COLEC12: variants seen among roughly 807,000 people sequenced by gnomAD.
COLEC12 encodes collectin subfamily member 12, also known as collectin-12.
COLEC12 carries 33 observed loss-of-function variants against 71.1 expected under a neutral mutation model. The observed-to-expected ratio is 0.46, with a 90% CI of 0.35 to 0.62. The LOEUF (loss-of-function observed/expected upper bound fraction) is 0.62, where lower values mean the gene tolerates loss of function less well. Among genes scored for constraint, COLEC12 ranks in the 20% least tolerant of loss-of-function variants. The pLI is 0.00. For missense variants in COLEC12, 765 were observed against 916.1 expected (o/e 0.84, Z 2.13); for synonymous variants, 350 against 353.0 (o/e 0.99, Z 0.10).
At chr18:383,579 C>T (rs1350551713) in intron 2 of COLEC12, among the ~76,000 whole-genome samples, 1 of 152,124 alleles carries the variant, frequency 6.6e-6, no homozygotes, top group Non-Finnish European at 1.5e-5. Context: ...AAACTAAAAA[C>T]CAAGAAACAA....
At chr18:356,169 C>T (rs1047207978) in intron 3 of COLEC12, among the ~76,000 whole-genome samples, 2 of 152,196 alleles carry the variant, frequency 1.3e-5, no homozygotes, top group African/African-American at 4.8e-5. Context: ...CAGAGAGATA[C>T]AGATATGATT....
chr18:382,760 TC>T, intron 2 of COLEC12, among the ~76,000 whole-genome samples: 1 of 148,390 alleles, frequency 6.7e-6, no homozygotes, highest in Non-Finnish European at 1.5e-5. Flanking sequence ...AGTGCCTGCT[TC>T]TTTTCTCCTT....
Position 327,488 on chromosome 18 carries a change from A to G in COLEC12, c.2063+4180T>C, listed in dbSNP as rs1045138356. ...GTCCTGCTGCGGTGCAGAAAGAGCC[A>G]TAAGATTCAGCAAGTCAGGTTGAGT... On this transcript the variant is annotated intron_variant, in intron 8 of 9. Transcript: ENST00000400256. The surrounding 1 kb of genome is among the most constrained non-coding windows in gnomAD (Gnocchi z 4.0). 1.3e-5 allele frequency among the ~76,000 whole-genome samples: 2 copies of G among 152,204 alleles called. No individual in the cohort carries two copies. The highest frequency in any genetic ancestry group is 2.4e-5 in the African/African-American group (1 of 41,442).
At chr18:469,433 T>C (rs930868782) in intron 2 of COLEC12, among the ~76,000 whole-genome samples, 11 of 152,338 alleles carry the variant, frequency 7.2e-5, no homozygotes, top group African/African-American at 2.4e-4. Context: ...AGGCCACGTC[T>C]CTCCTCTTTA....
intron 2 of COLEC12, among the ~76,000 whole-genome samples, chr18:465,365 G>C (rs1917065389): frequency 6.6e-6 from 1 of 152,136 alleles, no homozygotes; most frequent in Non-Finnish European, 1.5e-5. Flanking sequence ...GACTCCCAAA[G>C]TGTTGGGATT....
intron 5 of COLEC12, among the ~76,000 whole-genome samples, chr18:335,941 C>G (rs1914110166): frequency 1.3e-5 from 2 of 152,222 alleles, no homozygotes. Flanking sequence ...TTCTCTTAGT[C>G]ACCTGGGCCT....
At chr18:478,693 G>A (rs1231544730) in intron 2 of COLEC12, among the ~76,000 whole-genome samples, 2 of 152,170 alleles carry the variant, frequency 1.3e-5, no homozygotes, top group East Asian at 1.9e-4. Flanking sequence ...GTCCTATGCT[G>A]GATATCCATC....
At chr18:422,083 T>C (rs1916110089) in intron 2 of COLEC12, among the ~76,000 whole-genome samples, 2 of 152,238 alleles carry the variant, frequency 1.3e-5, no homozygotes, top group Admixed American at 1.3e-4. Context: ...CACACTGTCA[T>C]GTCTGTCCAG....
At chr18:455,541 C>T (rs2143722639) in intron 2 of COLEC12, among the ~76,000 whole-genome samples, 1 of 152,210 alleles carries the variant, frequency 6.6e-6, no homozygotes, top group African/African-American at 2.4e-5. Context: ...AGGTTTGTTA[C>T]ATAGGTATAC....
chr18:363,177 C>A (rs1914784325), intron 2 of COLEC12, among the ~76,000 whole-genome samples: 1 of 152,126 alleles, frequency 6.6e-6, no homozygotes, highest in Non-Finnish European at 1.5e-5. Flanking sequence ...ATAAAGAGCC[C>A]TCCCAAGTGC....
intron 2 of COLEC12, among the ~76,000 whole-genome samples, chr18:433,635 C>G (rs1273335235): frequency 1.3e-5 from 2 of 152,066 alleles, no homozygotes; most frequent in African/African-American, 4.8e-5. Context: ...TAAGCCAGAC[C>G]TGATCATCGC....
At chr18:443,225 G>C (rs1408303548) in intron 2 of COLEC12, among the ~76,000 whole-genome samples, 1 of 152,140 alleles carries the variant, frequency 6.6e-6, no homozygotes. Flanking sequence ...TTTTCCCACA[G>C]TATCTAAAAC....
intron 2 of COLEC12, among the ~76,000 whole-genome samples, chr18:384,259 C>T (rs1212668267): frequency 6.6e-6 from 1 of 152,108 alleles, no homozygotes; most frequent in Non-Finnish European, 1.5e-5. Flanking sequence ...TCGCAGTGTG[C>T]AGCCAAGGTT....
chr18:412,125 C>T (rs936774992), intron 2 of COLEC12, among the ~76,000 whole-genome samples: 1 of 152,040 alleles, frequency 6.6e-6, no homozygotes, highest in African/African-American at 2.4e-5. Flanking sequence ...GAGTGAATTC[C>T]AAACAGGATA....
chr18:425,083 A>C (rs1033663929), intron 2 of COLEC12, among the ~76,000 whole-genome samples: 2 of 152,192 alleles, frequency 1.3e-5, no homozygotes, highest in Admixed American at 6.5e-5. Context: ...CATGATCTGT[A>C]ACCTCTCAGA....
chr18:342,537 C>T (rs12150850), intron 5 of COLEC12, among the ~76,000 whole-genome samples: 49,180 of 151,996 alleles, frequency 0.32, 8,408 homozygotes, highest in African/African-American at 0.41. Context: ...CATAAGCCAA[C>T]GTTAATCCAT....
At chr18:338,397 T>C (rs1914167437) in intron 5 of COLEC12, among the ~76,000 whole-genome samples, 1 of 152,206 alleles carries the variant, frequency 6.6e-6, no homozygotes, top group Non-Finnish European at 1.5e-5. Context: ...GTGAGATCAG[T>C]AGGGACAGGT....
At chr18:479,253 C>T (rs778042765) in intron 2 of COLEC12, among the ~76,000 whole-genome samples, 3 of 152,060 alleles carry the variant, frequency 2.0e-5, no homozygotes, top group African/African-American at 4.8e-5. Flanking sequence ...AACATGGAAT[C>T]GTGTAGATGG....
chr18:371,436 G>A (rs762749530), intron 2 of COLEC12, among the ~76,000 whole-genome samples: 8 of 152,092 alleles, frequency 5.3e-5, no homozygotes, highest in Non-Finnish European at 1.0e-4. Context: ...CCGCAACTGG[G>A]CACAAATCAC....
Sources: gnomAD v4.1 joint callset for allele counts (sites outside exome capture counted in the v4.1 genomes callset) on GRCh38, gnomAD v4.1.1 for gene constraint, Gnocchi (gnomAD v3.1) non-coding constraint, MANE v1.5 for transcripts, NCBI Gene and HGNC (gene_info 2026-07-23, HGNC 2026-07-21) for gene names.